Variants in DENND1B observed in about 807,000 individuals in gnomAD.
DENND1B encodes DENN domain containing 1B.
A neutral mutation model predicts 90.1 loss-of-function variants in DENND1B; 59 were observed. The observed-to-expected ratio is 0.65, with a 90% CI of 0.53 to 0.81. The LOEUF (loss-of-function observed/expected upper bound fraction) is 0.81, where lower values mean the gene tolerates loss of function less well. Among genes scored for constraint, DENND1B ranks in the 40% least tolerant of loss-of-function variants. DENND1B has a pLI of 0.00. For synonymous variants in DENND1B, 337 were observed against 324.6 expected (o/e 1.04, Z -0.41); for missense variants, 862 against 912.6 (o/e 0.94, Z 0.71).
chr1:197,656,691 TA>T (rs1653864826), intron 6 of DENND1B, among the ~76,000 whole-genome samples: 1 of 151,960 alleles, frequency 6.6e-6, no homozygotes, highest in African/African-American at 2.4e-5. Flanking sequence ...TAGTTCCAGC[TA>T]ATTGGGAGAC....
At chr1:197,621,477 C>A (rs1678157688) in intron 10 of DENND1B, among the ~76,000 whole-genome samples, 1 of 151,068 alleles carries the variant, frequency 6.6e-6, no homozygotes, top group Non-Finnish European at 1.5e-5. Context: ...GTTTGGTTTG[C>A]AATATAAAGT....
intron 5 of DENND1B, among the ~76,000 whole-genome samples, chr1:197,660,750 A>G (rs1270574389): frequency 1.3e-5 from 2 of 152,148 alleles, no homozygotes; most frequent in Non-Finnish European, 1.5e-5. Context: ...CTTTGCACTC[A>G]AGACTTCTAT....
In DENND1B at chr1:197,607,126, T is replaced by C; in HGVS notation, c.868A>G (p.Thr290Ala). Residue 290 changes from threonine (T) to alanine (A), a missense_variant, in exon 13 of 23, where the codon ACA becomes GCA. By Grantham distance (58) the Thr-to-Ala change is moderately conservative (BLOSUM62 0). Transcript: ENST00000620048. The stretch of plus-strand genomic sequence containing the variant: ...CTAAATGGTGATTCTAATGTGTTTG[T>C]ATCAACATTTAACATAACAACATCT... ...LEDVVMLNVD[T>A]NTLESPFSDL... is the part of the protein sequence containing the mutation. 3 of 1,605,166 alleles carry C rather than the reference T, an allele frequency of 1.9e-6. No homozygotes were observed. In the East Asian group the frequency reaches 6.7e-5, roughly 36 times the overall value.
chr1:197,596,395 A>C (rs1226635576), intron 13 of DENND1B, among the ~76,000 whole-genome samples: 1 of 152,028 alleles, frequency 6.6e-6, no homozygotes, highest in Non-Finnish European at 1.5e-5. Context: ...TATTCTGTTC[A>C]CTTAAAAATA....
chr1:197,513,231 T>C (rs1668160444), intron 20 of DENND1B, among the ~76,000 whole-genome samples: 1 of 151,280 alleles, frequency 6.6e-6, no homozygotes, highest in African/African-American at 2.4e-5. Context: ...TCACATAGAC[T>C]TTCAGGCCCT....
intron 10 of DENND1B, among the ~76,000 whole-genome samples, chr1:197,640,938 C>G (rs1680219520): frequency 6.6e-6 from 1 of 152,126 alleles, no homozygotes; most frequent in Non-Finnish European, 1.5e-5. Context: ...AAGACCCTGT[C>G]TCAAAAAAAC....
At chr1:197,674,388 A>G (rs1655843641) in intron 3 of DENND1B, among the ~76,000 whole-genome samples, 1 of 152,080 alleles carries the variant, frequency 6.6e-6, no homozygotes, top group Non-Finnish European at 1.5e-5. Context: ...CCCAGGGGGG[A>G]AAGGCCTGGC....
intron 10 of DENND1B, among the ~76,000 whole-genome samples, chr1:197,619,755 C>T (rs775798200): frequency 6.6e-5 from 10 of 151,184 alleles, no homozygotes; most frequent in African/African-American, 2.2e-4. Flanking sequence ...ATTAGTTATT[C>T]GCTAACAAAA....
intron 6 of DENND1B, among the ~76,000 whole-genome samples, chr1:197,657,687 C>T (rs771101769): frequency 6.6e-6 from 1 of 151,468 alleles, no homozygotes; most frequent in African/African-American, 2.5e-5. Flanking sequence ...GTGGAAAATG[C>T]TCTCATGATT....
chr1:197,717,034 T>C (rs930657984), intron 2 of DENND1B, among the ~76,000 whole-genome samples: 2 of 151,994 alleles, frequency 1.3e-5, no homozygotes, highest in South Asian at 4.1e-4. Context: ...GTAGAAAATA[T>C]CCCAGCTCTT....
At chr1:197,652,553 A>T (rs1287094354) in intron 6 of DENND1B, among the ~76,000 whole-genome samples, 2 of 152,116 alleles carry the variant, frequency 1.3e-5, no homozygotes, top group Non-Finnish European at 2.9e-5. Context: ...TAGTATAAAC[A>T]TGTATTTGAA....
chr1:197,617,836 A>G (rs1019295218), intron 10 of DENND1B, 77 bp from the exon 11 acceptor site: 2 of 909,772 alleles, frequency 2.2e-6, no homozygotes, highest in Non-Finnish European at 3.6e-6. Flanking sequence ...ATGTATCAAC[A>G]ATGAACAGTA....
intron 3 of DENND1B, among the ~76,000 whole-genome samples, chr1:197,679,665 A>T (rs1458016872): frequency 6.7e-6 from 1 of 150,238 alleles, no homozygotes; most frequent in African/African-American, 2.4e-5. Context: ...GTATATATTT[A>T]TATATATTAT....
At chr1:197,592,458 T>C (rs1448958349) in intron 14 of DENND1B, among the ~76,000 whole-genome samples, 1 of 152,148 alleles carries the variant, frequency 6.6e-6, no homozygotes, top group Non-Finnish European at 1.5e-5. Flanking sequence ...TAACAAATCA[T>C]ATATGAATAA....
chr1:197,521,432 G>A (rs1668768682), intron 20 of DENND1B, among the ~76,000 whole-genome samples: 1 of 151,904 alleles, frequency 6.6e-6, no homozygotes, highest in Admixed American at 6.6e-5. Context: ...GCAGACGAAT[G>A]AGAAAATATA....
chr1:197,637,622 T>A (rs945767240), intron 10 of DENND1B, among the ~76,000 whole-genome samples: 9 of 152,186 alleles, frequency 5.9e-5, no homozygotes, highest in African/African-American at 2.2e-4. Context: ...TCCAGTCATA[T>A]TCACTTAGCA....
intron 10 of DENND1B, among the ~76,000 whole-genome samples, chr1:197,640,694 T>C (rs1435343130): frequency 2.0e-5 from 3 of 152,148 alleles, no homozygotes; most frequent in Non-Finnish European, 4.4e-5. Context: ...ATAAATTAAA[T>C]AAAACACCAA....
At chr1:197,675,329 T>C (rs1205675700) in intron 3 of DENND1B, among the ~76,000 whole-genome samples, 1 of 152,090 alleles carries the variant, frequency 6.6e-6, no homozygotes, top group Admixed American at 6.6e-5. Flanking sequence ...TTTAAAAAGG[T>C]AGACTACAAT....
rs1349024390 is a variant in DENND1B at position 197,509,865 on chromosome 1, AAATATTTCCATT to A, written c.*583_*594del. The A allele has an allele frequency of 6.6e-6, 1 of 152,180 alleles. No homozygotes were observed. The highest frequency in any genetic ancestry group is 1.5e-5 in the Non-Finnish European group (1 of 67,840). The allele number at this position is 152,180 out of a possible 1,614,324, so 9.4% of individuals were successfully genotyped here. ...CTATAGTGCTTTATATAAGCAAATT[AAATATTTCCATT>A]AAGAGAGCTTTTTAATCTTGAAAAG... On this transcript the variant is annotated 3_prime_UTR_variant, in exon 23 of 23. Coordinates refer to ENST00000620048, the MANE Select transcript of DENND1B (RefSeq NM_001195215.2).
Sources: gnomAD v4.1 joint callset for allele counts (sites outside exome capture counted in the v4.1 genomes callset) on GRCh38, gnomAD v4.1.1 for gene constraint, MANE v1.5 for transcripts, NCBI Gene and HGNC (gene_info 2026-07-23, HGNC 2026-07-21) for gene names.